The following KCTD1 variants were observed in gnomAD, a reference collection of about 807,000 sequenced individuals.
KCTD1 encodes potassium channel tetramerization domain containing 1, also known as BTB/POZ domain-containing protein KCTD1.
Under a neutral mutation model 66.0 loss-of-function variants are expected in KCTD1, and 24 were observed. That is an observed-to-expected ratio of 0.36 (90% CI 0.26 to 0.51). KCTD1 has a LOEUF of 0.51. Among genes scored for constraint, KCTD1 ranks in the 20% least tolerant of loss-of-function variants. The probability of loss-of-function intolerance (pLI) is 0.95; values close to 1 mark genes in which losing one functional copy is unlikely to be tolerated. For synonymous variants in KCTD1, 511 were observed against 517.2 expected, an observed-to-expected ratio of 0.99 and a Z score of 0.16; for missense variants, 943 against 1,205.2, an observed-to-expected ratio of 0.78 and a Z score of 3.22.
intron 1 of KCTD1, among the ~76,000 whole-genome samples, chr18:26,656,309 C>G (rs920612593): frequency 6.6e-6 from 1 of 152,238 alleles, no homozygotes; most frequent in Non-Finnish European, 1.5e-5. Flanking sequence ...CTTCCCCCGT[C>G]CCAGCGCCGC....
At chr18:26,490,806 A>C (rs1982157044) in intron 2 of KCTD1, among the ~76,000 whole-genome samples, 1 of 151,980 alleles carries the variant, frequency 6.6e-6, no homozygotes, top group Admixed American at 6.6e-5. Context: ...GGTCTGAAGT[A>C]CAGTAGTGTG....
intron 1 of KCTD1, among the ~76,000 whole-genome samples, chr18:26,620,348 TAAAAAAAA>T (rs10594272): frequency 3.8e-4 from 33 of 87,200 alleles, no homozygotes; most frequent in South Asian, 1.2e-3. Flanking sequence ...AGGTAAATCT[TAAAAAAAA>T]AAAAAAAAAA....
intron 1 of KCTD1, among the ~76,000 whole-genome samples, chr18:26,616,672 A>G (rs1598968407): frequency 7.4e-6 from 1 of 135,326 alleles, no homozygotes; most frequent in African/African-American, 2.8e-5. Context: ...GACATGTGCC[A>G]CTATGCCTGG....
At chr18:26,520,426 C>T (rs1197744435) in intron 1 of KCTD1, among the ~76,000 whole-genome samples, 1 of 152,114 alleles carries the variant, frequency 6.6e-6, no homozygotes, top group Non-Finnish European at 1.5e-5. Flanking sequence ...CCTCAGGTAC[C>T]CCCACAGAGG....
Position 26,547,936 on chromosome 18 carries a change from T to C in KCTD1, c.601A>G (p.Lys201Glu). The change falls in exon 1 of 5, where the codon AAG (lysine) becomes GAG (glutamate). Residue 201 changes from lysine (K) to glutamate (E), a missense_variant. Around this residue, in one of 10 missense-constraint regions of KCTD1, gnomAD observed 96 missense variants for 132.5 expected, o/e 0.72. Coordinates refer to ENST00000580059, the MANE Select transcript of KCTD1 (RefSeq NM_001142730.3). ...CGCAGCACGCGGCACAGCGCCCCCT[T>C]GTCCATGGTCTCGAAGTCCGGGCTC... ...AQSPDFETMD[K>E]GALCRVLRSF... The C allele has an allele frequency of 6.5e-7, 1 of 1,543,574 alleles. No homozygotes were observed. The highest frequency in any genetic ancestry group is 8.7e-7 in the Non-Finnish European group (1 of 1,146,792).
intron 1 of KCTD1, chr18:26,600,486 T>C: frequency 1.6e-6 from 1 of 626,372 alleles, no homozygotes; most frequent in South Asian, 1.9e-5. Context: ...AGAGTGAAGC[T>C]GGCTGGGGGG....
intron 2 of KCTD1, among the ~76,000 whole-genome samples, chr18:26,498,906 A>G (rs982111321): frequency 1.3e-5 from 2 of 152,176 alleles, no homozygotes; most frequent in African/African-American, 4.8e-5. Flanking sequence ...AAATTATTTG[A>G]GAGATAGGAA....
chr18:26,625,600 C>T (rs1260962922), intron 1 of KCTD1, among the ~76,000 whole-genome samples: 2 of 152,182 alleles, frequency 1.3e-5, no homozygotes, highest in Non-Finnish European at 2.9e-5. Flanking sequence ...GTCAATTAAA[C>T]TTCTTTCCTT....
intron 1 of KCTD1, among the ~76,000 whole-genome samples, chr18:26,577,135 G>GC (rs749933576): frequency 1.8e-4 from 28 of 152,218 alleles, no homozygotes; most frequent in Non-Finnish European, 3.5e-4. Context: ...ATTCCATCTT[G>GC]CCCCATCAAC....
intron 1 of KCTD1, among the ~76,000 whole-genome samples, chr18:26,650,131 G>A (rs964893543): frequency 1.3e-5 from 2 of 152,186 alleles, no homozygotes; most frequent in African/African-American, 4.8e-5. Flanking sequence ...GTCCTACTTA[G>A]CATCAATGCT....
intron 3 of KCTD1, among the ~76,000 whole-genome samples, chr18:26,472,503 G>A (rs1024344645): frequency 1.3e-5 from 2 of 152,096 alleles, no homozygotes; most frequent in Non-Finnish European, 2.9e-5. Context: ...TAAAGCATAC[G>A]GAACTAAAAG....
intron 1 of KCTD1, among the ~76,000 whole-genome samples, chr18:26,639,941 T>C (rs986812763): frequency 6.6e-6 from 1 of 152,156 alleles, no homozygotes; most frequent in Non-Finnish European, 1.5e-5. Context: ...TTGTTTAAGA[T>C]AGAGTTTGGC....
intron 1 of KCTD1, among the ~76,000 whole-genome samples, chr18:26,505,021 C>T (rs1344367155): frequency 6.6e-6 from 1 of 152,246 alleles, no homozygotes; most frequent in African/African-American, 2.4e-5. Flanking sequence ...TCAGCCATCT[C>T]TCAGCCTCCC....
At chr18:26,552,446 G>T (rs146608051), upstream of KCTD1, among the ~76,000 whole-genome samples, 1 of 152,188 alleles carries the variant, frequency 6.6e-6, no homozygotes, top group Non-Finnish European at 1.5e-5. Flanking sequence ...TGAATGAAGA[G>T]AATCTGTGTT....
intron 1 of KCTD1, chr18:26,657,245 G>C: frequency 1.2e-6 from 1 of 806,310 alleles, no homozygotes; most frequent in Non-Finnish European, 1.5e-6. Flanking sequence ...GCGTGTGTGC[G>C]AGTGTGCCGC....
rs182192406 is a variant in KCTD1, at chr18:26,538,047, G to C, written c.1809+8681C>G. ...GGATCACCTGAGGTCAGGAGTTTGA[G>C]ACCAGCCTGGCCAACATGGTGAAAC... On this transcript the variant is annotated intron_variant, in intron 1 of 4. Transcript: ENST00000580059. Among the ~76,000 whole-genome samples, 47 of 152,178 alleles carry C rather than the reference G, an allele frequency of 3.1e-4. 1 individual carries two copies. The highest frequency in any genetic ancestry group is 8.2e-4 in the African/African-American group (34 of 41,518).
At chr18:26,530,508 C>T (rs926835812) in intron 1 of KCTD1, among the ~76,000 whole-genome samples, 1 of 152,220 alleles carries the variant, frequency 6.6e-6, no homozygotes, top group Non-Finnish European at 1.5e-5. Context: ...CTATCCCTCC[C>T]TCATCCACAG....
intron 3 of KCTD1, among the ~76,000 whole-genome samples, chr18:26,471,625 G>A (rs1981066749): frequency 6.6e-6 from 1 of 152,062 alleles, no homozygotes; most frequent in African/African-American, 2.4e-5. Flanking sequence ...AGGGATCCTT[G>A]TGGTGATGGA....
upstream of KCTD1, among the ~76,000 whole-genome samples, chr18:26,631,841 G>A (rs1160283599): frequency 1.3e-5 from 2 of 151,782 alleles, no homozygotes; most frequent in Admixed American, 6.6e-5. Context: ...GAGGTCAGGA[G>A]ATCGAGACCA....
Sources: allele counts gnomAD v4.1 joint callset (sites outside exome capture counted in the v4.1 genomes callset), GRCh38; gene constraint gnomAD v4.1.1; regional missense constraint gnomAD v4.1.1; transcripts MANE v1.5; gene names NCBI Gene and HGNC (gene_info 2026-07-23, HGNC 2026-07-21).